The following ZNF331 variants were observed in gnomAD, a reference collection of about 807,000 sequenced individuals.
ZNF331 encodes C2H2-like zinc finger protein rearranged in thyroid adenomas.
In ZNF331, 2 loss-of-function variants were observed where a neutral mutation model predicts 7.0. The observed-to-expected ratio is 0.29, with a 90% CI of 0.12 to 0.90. The LOEUF (loss-of-function observed/expected upper bound fraction) is 0.90. Among genes scored for constraint, ZNF331 ranks in the 40% least tolerant of loss-of-function variants. The pLI, the probability that ZNF331 is intolerant of heterozygous loss-of-function variation, is 0.58. For synonymous variants in ZNF331, 196 were observed against 205.4 expected (o/e 0.95, Z 0.39); for missense variants, 432 against 587.7 (o/e 0.74, Z 2.74).
intron 2 of ZNF331, chr19:53,522,765 C>A (rs1298263996): frequency 6.6e-6 from 1 of 152,156 alleles, no homozygotes; most frequent in Non-Finnish European, 1.5e-5. Flanking sequence ...CATTTCTTCC[C>A]AAATAGTCAT....
intron 3 of ZNF331, among the ~76,000 whole-genome samples, chr19:53,565,428 C>T (rs1194974896): frequency 6.6e-6 from 1 of 152,188 alleles, no homozygotes; most frequent in East Asian, 1.9e-4. Flanking sequence ...CTCCTGGCTT[C>T]AAGCAGTCCT....
the ZNF331 span, among the ~76,000 whole-genome samples, chr19:53,512,884 TC>T: frequency 1.3e-5 from 2 of 149,428 alleles, no homozygotes; most frequent in South Asian, 4.2e-4. Flanking sequence ...CCTGAAACCA[TC>T]CCCCCGTCTG....
chr19:53,562,704 A>G (rs1185342997), intron 3 of ZNF331, among the ~76,000 whole-genome samples: 1 of 150,024 alleles, frequency 6.7e-6, no homozygotes, highest in African/African-American at 2.5e-5. Context: ...AAGAAAAAAA[A>G]AAACTCCGGG....
rs1056888395 is a variant in ZNF331 at position 53,539,733 on chromosome 19, G to A, written c.-138+451G>A. Among the ~76,000 whole-genome samples the A allele has an allele frequency of 1.3e-5, 2 of 152,140 alleles. No individual in the cohort carries two copies. Among genetic ancestry groups the A allele is most frequent in the Non-Finnish European group, 2.9e-5 (2 of 68,014 alleles). On this transcript the variant is annotated intron_variant, in intron 2 of 5. Coordinates refer to ENST00000449416, the MANE Select transcript of ZNF331 (RefSeq NM_001079906.2). The surrounding 1 kb of genome is among the most constrained non-coding windows in gnomAD (Gnocchi z 6.1). ...CTGTCCCCCACCACCACCACCCTAA[G>A]GAGATACTCTGTAATTTCATGGCAT...
chr19:53,545,065 G>A (rs2088502524), intron 2 of ZNF331, among the ~76,000 whole-genome samples: 1 of 152,154 alleles, frequency 6.6e-6, no homozygotes. Flanking sequence ...GTGTAAGTCA[G>A]GTTAAGGGTG....
Position 53,578,409 on chromosome 19 carries a change from T to TG in ZNF331, c.*457_*458insG. 1 of 232,518 alleles carries TG rather than the reference T, an allele frequency of 4.3e-6. No homozygotes were observed. The highest frequency in any genetic ancestry group is 5.3e-5 in the Admixed American group (1 of 18,754). The allele number at this position is 232,518 out of a possible 1,614,324, so 14.4% of individuals were successfully genotyped here. A position where few individuals can be genotyped will look rare whatever the true frequency, so the allele number is the denominator to read the frequency against. ...CTTAAAAAAGAAAAGAAAAAAATCA[T>TG]ATACTGAGGTTGCTAAGATCTACAT... On this transcript the variant is annotated 3_prime_UTR_variant, in exon 6 of 6. Coordinates refer to ENST00000449416, the MANE Select transcript of ZNF331 (RefSeq NM_001079906.2).
At chr19:53,552,714 C>G (rs2089088783) in intron 2 of ZNF331, among the ~76,000 whole-genome samples, 1 of 152,072 alleles carries the variant, frequency 6.6e-6, no homozygotes, top group African/African-American at 2.4e-5. Flanking sequence ...GCCTGGGTGA[C>G]AAAGCGAGAC....
intron 2 of ZNF331, among the ~76,000 whole-genome samples, chr19:53,542,581 A>G (rs1163106187): frequency 6.6e-6 from 1 of 152,230 alleles, no homozygotes; most frequent in Non-Finnish European, 1.5e-5. Flanking sequence ...AATGTTCTCA[A>G]CTTGGCATCT....
intron 3 of ZNF331, among the ~76,000 whole-genome samples, chr19:53,557,191 C>G (rs547313767): frequency 1.0e-3 from 153 of 152,096 alleles, no homozygotes; most frequent in African/African-American, 3.5e-3. Flanking sequence ...CTCCTGAGCT[C>G]AAGCAATCCT....
intron 2 of ZNF331, among the ~76,000 whole-genome samples, chr19:53,551,929 CTACAGCCTT>C: frequency 6.6e-6 from 1 of 152,236 alleles, no homozygotes; most frequent in South Asian, 2.1e-4. Flanking sequence ...AGGGATGGCT[CTACAGCCTT>C]TCAGAATTAA....
intron 4 of ZNF331, among the ~76,000 whole-genome samples, chr19:53,569,686 A>G (rs2090341734): frequency 6.6e-6 from 1 of 152,084 alleles, no homozygotes; most frequent in African/African-American, 2.4e-5. Flanking sequence ...TTGATGAGTT[A>G]GATATGTTGG....
the ZNF331 span, among the ~76,000 whole-genome samples, chr19:53,506,411 C>CCTCTCT: frequency 4.2e-4 from 31 of 74,392 alleles, no homozygotes; most frequent in East Asian, 1.2e-3. Context: ...CTCTCTCTCT[C>CCTCTCT]CTCTCTCTCT....
chr19:53,518,960 T>A (rs892510638), upstream of ZNF331, among the ~76,000 whole-genome samples: 3 of 152,270 alleles, frequency 2.0e-5, no homozygotes, highest in Non-Finnish European at 2.9e-5. Flanking sequence ...TGTGCTTGTT[T>A]ATATCCTTAT....
upstream of ZNF331, among the ~76,000 whole-genome samples, chr19:53,514,684 A>G (rs181497838): frequency 1.6e-5 from 2 of 129,004 alleles, no homozygotes; most frequent in Non-Finnish European, 1.6e-5. Flanking sequence ...AGAGTTTCAC[A>G]CTGTCGCCCA....
the ZNF331 span, among the ~76,000 whole-genome samples, chr19:53,512,987 T>C: frequency 6.6e-6 from 1 of 151,622 alleles, no homozygotes; most frequent in Non-Finnish European, 1.5e-5. Context: ...AAGCACATGG[T>C]TGAGAAGCAT....
At chr19:53,530,281 G>C (rs7252202) in intron 2 of ZNF331, among the ~76,000 whole-genome samples, 1,850 of 70,476 alleles carry the variant, frequency 0.026, 45 homozygotes, top group African/African-American at 0.056. Context: ...CCACCAGGCC[G>C]CACCTCCAGC....
chr19:53,545,373 T>A (rs1197873934), intron 2 of ZNF331, among the ~76,000 whole-genome samples: 1 of 152,196 alleles, frequency 6.6e-6, no homozygotes, highest in Admixed American at 6.5e-5. Context: ...GCCTGCACAT[T>A]GTTTACAATC....
rs1346469951 is a variant in ZNF331, at chr19:53,544,216, T to TC, written c.-138+4936dup. Among the ~76,000 whole-genome samples the TC allele has an allele frequency of 8.6e-5, 12 of 140,012 alleles. No individual in the cohort carries two copies. The East Asian group carries it at 2.3e-3, about 27-fold the overall frequency. 91.9% of individuals were successfully genotyped at this position (140,012 alleles called of 152,430 possible). On this transcript the variant is annotated intron_variant, in intron 2 of 5. Transcript: ENST00000449416. ...CACTCCAGCTTGGCCAGAGCAAGAC[T>TC]CCGTCTCAAAAAAAAAAAAAAATTC...
intron 3 of ZNF331, among the ~76,000 whole-genome samples, chr19:53,559,266 A>G (rs903614194): frequency 6.0e-5 from 9 of 151,220 alleles, no homozygotes; most frequent in African/African-American, 2.2e-4. Context: ...ACACACACAT[A>G]TACACAACTA....
Sources: allele counts gnomAD v4.1 joint callset (sites outside exome capture counted in the v4.1 genomes callset), GRCh38; gene constraint gnomAD v4.1.1; non-coding constraint Gnocchi (gnomAD v3.1); transcripts MANE v1.5; gene names NCBI Gene and HGNC (gene_info 2026-07-23, HGNC 2026-07-21).